Variants in IL2RA observed in about 807,000 individuals in gnomAD.
The protein encoded by IL2RA is interleukin-2 receptor subunit alpha.
IL2RA carries 24 observed loss-of-function variants against 37.8 expected under a neutral mutation model. The observed-to-expected ratio is 0.63, with a 90% CI of 0.46 to 0.89. IL2RA has a LOEUF of 0.89. Ranked by LOEUF, IL2RA falls within the 40% of genes least tolerant of loss-of-function variation. IL2RA has a pLI of 0.00. For missense variants in IL2RA, 319 were observed against 348.6 expected, an observed-to-expected ratio of 0.92 and a Z score of 0.68; for synonymous variants, 125 against 114.6, an observed-to-expected ratio of 1.09 and a Z score of -0.58.
At chr10:6,060,078 T>C (rs983182047) in intron 1 of IL2RA, among the ~76,000 whole-genome samples, 4 of 152,078 alleles carry the variant, frequency 2.6e-5, no homozygotes, top group African/African-American at 9.7e-5. Context: ...TAGCTAGAAA[T>C]AACACGAGTT....
At chr10:6,019,790 A>G (rs1839351413) in intron 5 of IL2RA, 80 bp downstream of exon 5, 1 of 1,338,226 alleles carries the variant, frequency 7.5e-7, no homozygotes. Flanking sequence ...ACCTCCGCCT[A>G]TCTCCCTGAG....
chr10:6,037,521 G>T (rs529140408), intron 1 of IL2RA, among the ~76,000 whole-genome samples: 1 of 152,092 alleles, frequency 6.6e-6, no homozygotes, highest in South Asian at 2.1e-4. Flanking sequence ...TTAGAATAAC[G>T]CACGGAGCAC....
At position 6,057,487 on chromosome 10, in the gene IL2RA, C is replaced by T. The variant is rs1481768365; in HGVS notation, c.64+4601G>A. 6.6e-6 allele frequency among the ~76,000 whole-genome samples: 1 copy of T among 152,144 alleles called. No homozygotes were observed. The highest frequency in any genetic ancestry group is 1.5e-5 in the Non-Finnish European group (1 of 68,034). Reference sequence around the variant, plus strand: ...GCTTATTTTATTTCCTTTCTGGAATCCTTGACATAGAGTGAAGGAACTGGA... The same window carrying T: ...GCTTATTTTATTTCCTTTCTGGAATTCTTGACATAGAGTGAAGGAACTGGA... On this transcript the variant is annotated intron_variant, in intron 1 of 7. Coordinates refer to ENST00000379959, the MANE Select transcript of IL2RA (RefSeq NM_000417.3). The surrounding 1 kb of genome is among the most constrained non-coding windows in gnomAD (Gnocchi z 4.8).
At position 6,048,989 on chromosome 10, in the gene IL2RA, C is replaced by A. The variant is rs1362346278; in HGVS notation, c.64+13099G>T. Among the ~76,000 whole-genome samples the A allele has an allele frequency of 6.6e-6, 1 of 152,182 alleles. No homozygotes were observed. The highest frequency in any genetic ancestry group is 1.9e-4 in the East Asian group (1 of 5,200). On this transcript the variant is annotated intron_variant, in intron 1 of 7. Transcript: ENST00000379959. The surrounding 1 kb of genome is among the most constrained non-coding windows in gnomAD (Gnocchi z 5.3). The stretch of plus-strand genomic sequence containing the variant: ...CTTGGGCCTTGGTCATTGTATTATT[C>A]AGGGAAACAGAATTTCTCTAGAGAA...
chr10:6,042,612 C>T lies in IL2RA; in HGVS notation c.65-16587G>A, dbSNP rs573779738. On this transcript the variant is annotated intron_variant, in intron 1 of 7. Coordinates refer to ENST00000379959, the MANE Select transcript of IL2RA (RefSeq NM_000417.3). Reference sequence around the variant, plus strand: ...AGTAATAACGTCTACTTAGAAGATCCAAGAATCTATACTTATCCAAAGACT... The same window carrying T: ...AGTAATAACGTCTACTTAGAAGATCTAAGAATCTATACTTATCCAAAGACT... Among the ~76,000 whole-genome samples, 11 of 151,894 alleles carry T rather than the reference C, an allele frequency of 7.2e-5. No individual in the cohort carries two copies. In the South Asian group the frequency reaches 2.1e-3, roughly 29 times the overall value.
At position 6,054,057 on chromosome 10, in the gene IL2RA, C is replaced by T. The variant is rs1840005853; in HGVS notation, c.64+8031G>A. ...TCCCTCCACCCGTTCCTCTTCCTCC[C>T]AGCACAGTGACCTTCCGGTCAACCC... On this transcript the variant is annotated intron_variant, in intron 1 of 7. Coordinates refer to ENST00000379959, the MANE Select transcript of IL2RA (RefSeq NM_000417.3). The surrounding 1 kb of genome is among the most constrained non-coding windows in gnomAD (Gnocchi z 4.5). Among the ~76,000 whole-genome samples the T allele has an allele frequency of 6.6e-6, 1 of 152,234 alleles. No homozygotes were observed. The highest frequency in any genetic ancestry group is 1.5e-5 in the Non-Finnish European group (1 of 68,040).
chr10:6,050,569 G>A (rs542898548), intron 1 of IL2RA, among the ~76,000 whole-genome samples: 5 of 152,244 alleles, frequency 3.3e-5, no homozygotes, highest in Non-Finnish European at 4.4e-5. Context: ...TCTTGAACCC[G>A]GGAGGCAGAG....
intron 1 of IL2RA, among the ~76,000 whole-genome samples, chr10:6,045,457 A>G (rs542301109): frequency 6.6e-6 from 1 of 152,246 alleles, no homozygotes; most frequent in South Asian, 2.1e-4. Flanking sequence ...GCTTCTGCAA[A>G]TGAAATGTTG....
At chr10:6,060,650 A>C (rs568289618) in intron 1 of IL2RA, among the ~76,000 whole-genome samples, 1 of 152,244 alleles carries the variant, frequency 6.6e-6, no homozygotes, top group African/African-American at 2.4e-5. Flanking sequence ...CTAGCTACTC[A>C]GGAGTCTGAG....
chr10:6,016,142 CGCGAGG>C (rs12722702), intron 7 of IL2RA, among the ~76,000 whole-genome samples: 2,341 of 152,276 alleles, frequency 0.015, 74 homozygotes, highest in African/African-American at 0.055. Context: ...GTGATCAGGT[CGCGAGG>C]GCTCTGCCTC....
At position 6,054,178 on chromosome 10, in the gene IL2RA, G is replaced by A. The variant is rs977586782; in HGVS notation, c.64+7910C>T. Among the ~76,000 whole-genome samples the A allele has an allele frequency of 4.6e-5, 7 of 152,238 alleles. No homozygotes were observed. The highest frequency in any genetic ancestry group is 7.3e-5 in the Non-Finnish European group (5 of 68,038). Reference sequence around the variant, plus strand: ...TGGATCCGGGTCGAGGGCTGCAGGCGGAGCTGCTGGTCAAAAACCCCCCGG... The same window carrying A: ...TGGATCCGGGTCGAGGGCTGCAGGCAGAGCTGCTGGTCAAAAACCCCCCGG... On this transcript the variant is annotated intron_variant, in intron 1 of 7. Coordinates refer to ENST00000379959, the MANE Select transcript of IL2RA (RefSeq NM_000417.3). The surrounding 1 kb of genome is among the most constrained non-coding windows in gnomAD (Gnocchi z 4.5).
At chr10:6,039,946 T>A (rs1839745964) in intron 1 of IL2RA, among the ~76,000 whole-genome samples, 1 of 152,126 alleles carries the variant, frequency 6.6e-6, no homozygotes, top group Non-Finnish European at 1.5e-5. Context: ...GAAAGGTGGG[T>A]GGGAGTTCAA....
At position 6,024,348 on chromosome 10, in the gene IL2RA, C is replaced by G. The variant is rs139340259; in HGVS notation, c.263G>C (p.Arg88Pro). The change falls in exon 3 of 8, where the codon CGG becomes CCG. Residue 88 changes from arginine (R) to proline (P), a missense_variant. Transcript: ENST00000379959. ...AGGTGTCACTTGTTTCGTTGTGTTC[C>G]GAGTGGCTAGAAAATATAGATGGAA... ...NQCQCTSSAT[R>P]NTTKQVTPQP... The G allele has an allele frequency of 1.6e-5, 25 of 1,608,990 alleles. No homozygotes were observed. In the African/African-American group the frequency reaches 3.1e-4, roughly 20 times the overall value.
At chr10:6,024,817 C>T (rs1416934288) in intron 2 of IL2RA, among the ~76,000 whole-genome samples, 2 of 152,210 alleles carry the variant, frequency 1.3e-5, no homozygotes, top group Non-Finnish European at 2.9e-5. Flanking sequence ...TTAGAGACGC[C>T]ATCTTAACAC....
At chr10:6,059,411 G>A (rs1840091790) in intron 1 of IL2RA, among the ~76,000 whole-genome samples, 1 of 152,156 alleles carries the variant, frequency 6.6e-6, no homozygotes, top group African/African-American at 2.4e-5. Flanking sequence ...ACTGCAAAGT[G>A]GCTATGAAGA....
In IL2RA at chr10:6,035,620, G is replaced by A. The variant is rs929777629; in HGVS notation, c.65-9595C>T. 6.6e-6 allele frequency among the ~76,000 whole-genome samples: 1 copy of A among 152,292 alleles called. No homozygotes were observed. Among genetic ancestry groups the A allele is most frequent in the East Asian group, 1.9e-4 (1 of 5,178 alleles). ...CCAGGAGGAGAATCCTGAACCACGG[G>A]CTCTGCGGTGATGTGGCCTTCCTCT... On this transcript the variant is annotated intron_variant, in intron 1 of 7. Coordinates refer to ENST00000379959, the MANE Select transcript of IL2RA (RefSeq NM_000417.3). This position sits in a 1 kb window ranked among gnomAD's most constrained non-coding sequence, Gnocchi z 5.4.
At chr10:6,030,616 C>T (rs1839561292) in intron 1 of IL2RA, among the ~76,000 whole-genome samples, 1 of 152,210 alleles carries the variant, frequency 6.6e-6, no homozygotes, top group Non-Finnish European at 1.5e-5. Context: ...TATTATGGCA[C>T]ATCTGCATTA....
At chr10:6,026,945 C>T (rs886300086) in intron 1 of IL2RA, among the ~76,000 whole-genome samples, 20 of 152,102 alleles carry the variant, frequency 1.3e-4, no homozygotes, top group African/African-American at 4.8e-4. Flanking sequence ...CTTCTCTGTG[C>T]CCTTAGACTC....
intron 1 of IL2RA, among the ~76,000 whole-genome samples, chr10:6,060,001 A>G (rs1282867596): frequency 6.6e-6 from 1 of 152,128 alleles, no homozygotes; most frequent in African/African-American, 2.4e-5. Flanking sequence ...GGCGTGAAGG[A>G]GTCCTTATGG....
Sources: gnomAD v4.1 joint callset for allele counts (sites outside exome capture counted in the v4.1 genomes callset) on GRCh38, gnomAD v4.1.1 for gene constraint, Gnocchi (gnomAD v3.1) non-coding constraint, MANE v1.5 for transcripts, NCBI Gene and HGNC (gene_info 2026-07-23, HGNC 2026-07-21) for gene names.